Variants in ACTR10 observed in about 807,000 individuals in gnomAD.
The protein encoded by ACTR10 is actin related protein 10.
ACTR10 carries 43 observed loss-of-function variants against 56.2 expected under a neutral mutation model. That is an observed-to-expected ratio of 0.77 (90% CI 0.60 to 0.99). The LOEUF is 0.99. ACTR10 is among the 50% of genes least tolerant of loss of function. The pLI, the probability that ACTR10 is intolerant of heterozygous loss-of-function variation, is 0.00. For synonymous variants in ACTR10, 170 were observed against 176.3 expected, an observed-to-expected ratio of 0.96 and a Z score of 0.28; for missense variants, 466 against 507.8, an observed-to-expected ratio of 0.92 and a Z score of 0.79.
At chr14:58,217,285 A>G (rs1463351660) in intron 7 of ACTR10, among the ~76,000 whole-genome samples, 1 of 152,184 alleles carries the variant, frequency 6.6e-6, no homozygotes, top group Non-Finnish European at 1.5e-5. Context: ...AATACTCACA[A>G]TCTGAGTCTG....
At chr14:58,213,949 A>T (rs1299032806) in intron 6 of ACTR10, among the ~76,000 whole-genome samples, 3 of 152,202 alleles carry the variant, frequency 2.0e-5, no homozygotes. Context: ...CAGGCATGCA[A>T]TGAGAAATAA....
intron 7 of ACTR10, among the ~76,000 whole-genome samples, chr14:58,218,449 A>G (rs1443605195): frequency 2.0e-5 from 3 of 152,312 alleles, no homozygotes; most frequent in Admixed American, 2.0e-4. Flanking sequence ...TATTGTTACT[A>G]TATTATGAAA....
At chr14:58,223,054 G>T (rs1889314789) in intron 8 of ACTR10, among the ~76,000 whole-genome samples, 1 of 151,974 alleles carries the variant, frequency 6.6e-6, no homozygotes, top group East Asian at 1.9e-4. Flanking sequence ...TTTAAATGAG[G>T]TTTTATACAA....
intron 7 of ACTR10, among the ~76,000 whole-genome samples, chr14:58,217,753 A>T (rs937349129): frequency 1.3e-5 from 2 of 152,252 alleles, no homozygotes; most frequent in Admixed American, 1.3e-4. Context: ...CAAGTCTGAG[A>T]TATGCTTGAG....
In ACTR10 at chr14:58,225,775, C is replaced by T. The variant is rs1200913145; in HGVS notation, c.788+1919C>T. 5.3e-5 allele frequency among the ~76,000 whole-genome samples: 8 copies of T among 151,208 alleles called. No homozygotes were observed. The South Asian group carries it at 8.4e-4, about 16-fold the overall frequency. The stretch of plus-strand genomic sequence containing the variant: ...TCCCCCAGGCTGGAGTGCACTGGCG[C>T]GGTCTCGGCTCACTGCAGCCTCCTT... On this transcript the variant is annotated intron_variant, in intron 10 of 12. Transcript: ENST00000254286.
At chr14:58,210,233 G>A (rs138811563) in intron 4 of ACTR10, among the ~76,000 whole-genome samples, 11 of 152,110 alleles carry the variant, frequency 7.2e-5, no homozygotes, top group Non-Finnish European at 1.6e-4. Context: ...TGAATATCTA[G>A]TATTTGAGAT....
chr14:58,211,523 T>G, intron 5 of ACTR10, 124 bp downstream of exon 5: 1 of 647,990 alleles, frequency 1.5e-6, no homozygotes, highest in Admixed American at 2.9e-5. Flanking sequence ...CAAATATGAA[T>G]TACAATGTGG....
Position 58,213,634 on chromosome 14 carries a change from T to C in ACTR10, c.454T>C (p.Tyr152His), listed in dbSNP as rs549600067. ...GYRESLVLPI[Y>H]EGIPVLNCWG... ...AGTATCCTTGACTACTCTATAGATA[T>C]ATGAAGGAATCCCAGTTCTAAATTG... The change falls in exon 6 of 13, where the codon TAT (tyrosine) becomes CAT (histidine). Residue 152 changes from tyrosine to histidine, a missense_variant. By Grantham distance (83) the Tyr-to-His change is moderately conservative. Coordinates refer to ENST00000254286, the MANE Select transcript of ACTR10 (RefSeq NM_018477.3). 62 of 1,608,912 alleles carry C rather than the reference T, an allele frequency of 3.9e-5. No homozygotes were observed. In the South Asian group the frequency reaches 5.8e-4, roughly 15 times the overall value.
intron 12 of ACTR10, among the ~76,000 whole-genome samples, chr14:58,234,132 A>G (rs1481953477): frequency 6.6e-6 from 1 of 152,226 alleles, no homozygotes; most frequent in East Asian, 1.9e-4. Flanking sequence ...TTGTTATCAT[A>G]TTCACTATTA....
At chr14:58,203,186 C>T (rs1398979285) in intron 2 of ACTR10, among the ~76,000 whole-genome samples, 4 of 151,428 alleles carry the variant, frequency 2.6e-5, no homozygotes, top group Non-Finnish European at 5.9e-5. Context: ...CCTCTAATCC[C>T]AGCTCCTCAG....
chr14:58,201,634 G>A (rs1888705763), intron 1 of ACTR10, among the ~76,000 whole-genome samples: 1 of 152,244 alleles, frequency 6.6e-6, no homozygotes, highest in African/African-American at 2.4e-5. Context: ...TTTTAGCAAC[G>A]TTTTTAGCAA....
rs1199001205 is a variant in ACTR10 at position 58,215,233 on chromosome 14, T to C, written c.547T>C (p.Cys183Arg). The C allele has an allele frequency of 6.2e-7, 1 of 1,607,842 alleles. No homozygotes were observed. Among genetic ancestry groups the C allele is most frequent in the Non-Finnish European group, 8.5e-7 (1 of 1,177,464 alleles). ...GTTGGAAACTCAACTATTGGAACAA[T>C]GTACTGTTGACACAAGTGTTGCTAA... is the stretch of plus-strand genomic sequence containing the variant. Reference protein sequence around the residue: ...KELETQLLEQCTVDTSVAKEQ... With the variant: ...KELETQLLEQRTVDTSVAKEQ... The change falls in exon 7 of 13, where the codon TGT becomes CGT. Residue 183 changes from cysteine to arginine, a missense_variant. Coordinates refer to ENST00000254286, the MANE Select transcript of ACTR10 (RefSeq NM_018477.3).
In ACTR10 at chr14:58,232,183, C is replaced by A. The variant is rs1250873143; in HGVS notation, c.988C>A (p.Pro330Thr). 3.1e-6 allele frequency: 5 copies of A among 1,613,638 alleles called. No homozygotes were observed. Among genetic ancestry groups the A allele is most frequent in the East Asian group, 2.2e-5 (1 of 44,856 alleles). Residue 330 changes from proline (P) to threonine (T), a missense_variant, in exon 12 of 13, where the codon CCA becomes ACA. Coordinates refer to ENST00000254286, the MANE Select transcript of ACTR10 (RefSeq NM_018477.3). The stretch of plus-strand genomic sequence containing the variant: ...AGAAATAAGGTATTTGGTAGAAAAA[C>A]CAAAATATAAAAAAGCACTTGGCAC... ...LAEIRYLVEK[P>T]KYKKALGTKT...
At chr14:58,202,361 C>T (rs1430062044) in intron 1 of ACTR10, among the ~76,000 whole-genome samples, 1 of 151,324 alleles carries the variant, frequency 6.6e-6, no homozygotes, top group Non-Finnish European at 1.5e-5. Context: ...GCGGGCGGGT[C>T]ACGAGGTCAG....
chr14:58,218,139 C>G (rs981715652), intron 7 of ACTR10, among the ~76,000 whole-genome samples: 3 of 152,110 alleles, frequency 2.0e-5, no homozygotes, highest in African/African-American at 7.2e-5. Flanking sequence ...CTCATATTAC[C>G]AAAGTTCTTT....
At chr14:58,221,746 A>G (rs1889275837) in intron 8 of ACTR10, among the ~76,000 whole-genome samples, 1 of 152,062 alleles carries the variant, frequency 6.6e-6, no homozygotes, top group South Asian at 2.1e-4. Context: ...GTCTCAAAAA[A>G]ATAAAAATAA....
At chr14:58,217,618 ATCGAGCCATTGCAC>A (rs1566626691) in intron 7 of ACTR10, among the ~76,000 whole-genome samples, 1 of 151,806 alleles carries the variant, frequency 6.6e-6, no homozygotes, top group Non-Finnish European at 1.5e-5. Flanking sequence ...GTGAGCCGAG[ATCGAGCCATTGCAC>A]TCCAACCTGG....
chr14:58,228,402 T>A (rs1026107616), intron 10 of ACTR10, among the ~76,000 whole-genome samples: 1 of 152,142 alleles, frequency 6.6e-6, no homozygotes, highest in African/African-American at 2.4e-5. Flanking sequence ...GCAGATCGCT[T>A]GAGGCCAGGA....
intron 10 of ACTR10, among the ~76,000 whole-genome samples, chr14:58,230,191 C>T (rs1341896699): frequency 6.6e-6 from 1 of 152,204 alleles, no homozygotes; most frequent in Non-Finnish European, 1.5e-5. Context: ...GTTCTATTAA[C>T]TCATTGCATC....
Sources: allele counts gnomAD v4.1 joint callset (sites outside exome capture counted in the v4.1 genomes callset), GRCh38; gene constraint gnomAD v4.1.1; transcripts MANE v1.5; gene names NCBI Gene and HGNC (gene_info 2026-07-23, HGNC 2026-07-21).